Variants in NOX4 observed in about 807,000 individuals in gnomAD.
The protein encoded by NOX4 is kidney oxidase-1.
NOX4 carries 69 observed loss-of-function variants against 87.6 expected under a neutral mutation model. The ratio of observed to expected loss-of-function variants is 0.79; its 90% CI spans 0.65 to 0.96. The LOEUF (loss-of-function observed/expected upper bound fraction) is 0.96. NOX4 is among the 40% of genes least tolerant of loss of function. NOX4 has a pLI of 0.00. For synonymous variants in NOX4, 275 were observed against 238.2 expected (o/e 1.15, Z -1.42); for missense variants, 680 against 681.5 (o/e 1.00, Z 0.02).
Position 89,446,804 on chromosome 11 carries a change from T to C in NOX4, c.350-2572A>G, listed in dbSNP as rs902200403. Reference sequence around the variant, plus strand: ...TACAGTAATGGTGGGTACAGGTCATTACACATTTGTGCAAACCCATAGAAT... The same window carrying C: ...TACAGTAATGGTGGGTACAGGTCATCACACATTTGTGCAAACCCATAGAAT... On this transcript the variant is annotated intron_variant, in intron 4 of 17. Transcript: ENST00000263317. Among the ~76,000 whole-genome samples, 7 of 152,282 alleles carry C rather than the reference T, an allele frequency of 4.6e-5. No individual in the cohort carries two copies. The Middle Eastern group carries it at 0.01, about 222-fold the overall frequency.
chr11:89,364,177 T>C (rs1938749753), intron 12 of NOX4, among the ~76,000 whole-genome samples: 1 of 152,006 alleles, frequency 6.6e-6, no homozygotes, highest in Admixed American at 6.6e-5. Flanking sequence ...AGCCCAGGAT[T>C]TTGAGGCTGC....
rs1245069995 is a variant in NOX4 at position 89,385,789 on chromosome 11, T to C, written c.1075-12297A>G. 7.9e-5 allele frequency among the ~76,000 whole-genome samples: 12 copies of C among 152,210 alleles called. No individual in the cohort carries two copies. In the East Asian group the frequency reaches 1.9e-3, roughly 25 times the overall value. The stretch of plus-strand genomic sequence containing the variant: ...CATGACCCGAGTCAGGAAACTAAAA[T>C]ACCTCTTGGTCTGGGTAGACACTTT... On this transcript the variant is annotated intron_variant, in intron 11 of 17. Transcript: ENST00000263317.
At chr11:89,372,438 C>T (rs1276372102) in intron 12 of NOX4, among the ~76,000 whole-genome samples, 1 of 151,950 alleles carries the variant, frequency 6.6e-6, no homozygotes, top group African/African-American at 2.4e-5. Context: ...GTCTTTGTTT[C>T]ATTTTGTTTG....
chr11:89,357,040 T>A (rs1254621809), intron 12 of NOX4, among the ~76,000 whole-genome samples: 1 of 152,184 alleles, frequency 6.6e-6, no homozygotes, highest in Non-Finnish European at 1.5e-5. Context: ...CACAAAATGA[T>A]GAAAATATAC....
In NOX4 at chr11:89,444,240, AT is replaced by A. The variant is rs1195271758; in HGVS notation, c.350-9del. 6.2e-7 allele frequency: 1 copy of A among 1,611,198 alleles called. No homozygotes were observed. The highest frequency in any genetic ancestry group is 8.5e-7 in the Non-Finnish European group (1 of 1,177,616). On this transcript the variant is annotated splice_polypyrimidine_tract_variant and intron_variant, in intron 4 of 17. Transcript: ENST00000263317. ...GGGCAGCCACATGCACGCCTACAGA[AT>A]TACACCAGGGGTAAGTTAGTGGGAT...
upstream of NOX4, among the ~76,000 whole-genome samples, chr11:89,494,842 T>C (rs1351941921): frequency 6.6e-6 from 1 of 152,244 alleles, no homozygotes; most frequent in Non-Finnish European, 1.5e-5. Flanking sequence ...ACAGATGTCA[T>C]GGGCTAAAAC....
chr11:89,423,829 G>C (rs1943220182), intron 7 of NOX4, among the ~76,000 whole-genome samples: 1 of 152,044 alleles, frequency 6.6e-6, no homozygotes, highest in Admixed American at 6.6e-5. Flanking sequence ...AGAGGTGGAA[G>C]GAGTACTTGA....
upstream of NOX4, among the ~76,000 whole-genome samples, chr11:89,497,169 A>T (rs990487220): frequency 5.3e-5 from 8 of 152,200 alleles, no homozygotes; most frequent in African/African-American, 1.7e-4. Flanking sequence ...AAGACAGTGC[A>T]CACTCTCCAA....
chr11:89,453,773 G>C (rs1945067297), intron 2 of NOX4, among the ~76,000 whole-genome samples: 1 of 152,140 alleles, frequency 6.6e-6, no homozygotes, highest in Non-Finnish European at 1.5e-5. Flanking sequence ...AAGTTGTGGA[G>C]CCAGAATTCA....
intron 2 of NOX4, among the ~76,000 whole-genome samples, chr11:89,476,486 C>T (rs1946174193): frequency 6.6e-6 from 1 of 151,926 alleles, no homozygotes; most frequent in Non-Finnish European, 1.5e-5. Context: ...AAACTCATTC[C>T]ACATGGTGAT....
At chr11:89,578,294 C>T in the NOX4 span, among the ~76,000 whole-genome samples, 1 of 151,678 alleles carries the variant, frequency 6.6e-6, no homozygotes, top group African/African-American at 2.4e-5. Flanking sequence ...CCTGAGTAGC[C>T]GGGACTACAG....
intron 2 of NOX4, among the ~76,000 whole-genome samples, chr11:89,476,359 T>C (rs1946168296): frequency 6.6e-6 from 1 of 152,152 alleles, no homozygotes; most frequent in East Asian, 1.9e-4. Context: ...ATAAGAAAGA[T>C]ATATAGAAGT....
At chr11:89,481,189 C>A (rs1402173971) in intron 2 of NOX4, among the ~76,000 whole-genome samples, 2 of 151,934 alleles carry the variant, frequency 1.3e-5, no homozygotes, top group Non-Finnish European at 2.9e-5. Flanking sequence ...ATATGCTCAG[C>A]ATCTGTATGC....
chr11:89,585,372 C>A, the NOX4 span, among the ~76,000 whole-genome samples: 4 of 152,250 alleles, frequency 2.6e-5, no homozygotes, highest in Non-Finnish European at 5.9e-5. Context: ...CAACTAGACA[C>A]AAAATTCTTT....
the NOX4 span, among the ~76,000 whole-genome samples, chr11:89,565,616 T>C: frequency 4.6e-5 from 7 of 152,164 alleles, no homozygotes; most frequent in African/African-American, 1.7e-4. Context: ...TACAAGTTTT[T>C]GCAAAATCCT....
At chr11:89,510,107 G>A in the NOX4 span, among the ~76,000 whole-genome samples, 1 of 152,052 alleles carries the variant, frequency 6.6e-6, no homozygotes. Context: ...AAAGGCTACT[G>A]TGCAATGCAC....
intron 11 of NOX4, among the ~76,000 whole-genome samples, chr11:89,397,092 T>C (rs1425058080): frequency 6.6e-6 from 1 of 151,906 alleles, no homozygotes; most frequent in Non-Finnish European, 1.5e-5. Flanking sequence ...AGGAAATGTA[T>C]AAGAAGAGAA....
chr11:89,335,874 C>T lies in NOX4; in HGVS notation c.1587G>A (p.Leu529=), dbSNP rs766879278. 284 of 1,599,610 alleles carry T rather than the reference C, an allele frequency of 1.8e-4. No individual in the cohort carries two copies. Among genetic ancestry groups the T allele is most frequent in the Non-Finnish European group, 2.3e-4 (266 of 1,172,590 alleles). ...LFIGRPRWKL[L]FDEIAKYNRG... is the part of the protein sequence containing the mutation. The stretch of plus-strand genomic sequence containing the variant: ...TGTTATATTTTGCTATTTCATCAAA[C>T]AAAAGTTTCCACCGAGGACGTCCTA... Residue 529 remains leucine (L), a synonymous_variant, in exon 17 of 18, where the codon TTG becomes TTA. Coordinates refer to ENST00000263317, the MANE Select transcript of NOX4 (RefSeq NM_016931.5).
At chr11:89,369,744 A>ATTTGTTTG (rs71893993) in intron 12 of NOX4, among the ~76,000 whole-genome samples, 86 of 150,082 alleles carry the variant, frequency 5.7e-4, no homozygotes, top group South Asian at 6.3e-4. Context: ...TTATTTATTT[A>ATTTGTTTG]TTTGTTTGTT....
Sources: gnomAD v4.1 joint callset for allele counts (sites outside exome capture counted in the v4.1 genomes callset) on GRCh38, gnomAD v4.1.1 for gene constraint, MANE v1.5 for transcripts, NCBI Gene and HGNC (gene_info 2026-07-23, HGNC 2026-07-21) for gene names.